Variants in MAN1A1 observed in about 807,000 individuals in gnomAD.
MAN1A1 encodes the protein mannosidase alpha class 1A member 1.
In MAN1A1, 29 loss-of-function variants were observed where a neutral mutation model predicts 70.8. That is an observed-to-expected ratio of 0.41 (90% CI 0.31 to 0.56). The LOEUF is 0.56. Ranked by LOEUF, MAN1A1 falls within the 20% of genes least tolerant of loss-of-function variation. MAN1A1 has a pLI of 0.29. For missense variants in MAN1A1, 747 were observed against 841.3 expected, an observed-to-expected ratio of 0.89 and a Z score of 1.39; for synonymous variants, 349 against 330.1, an observed-to-expected ratio of 1.06 and a Z score of -0.62.
At chr6:119,304,608 A>C (rs946948994) in intron 3 of MAN1A1, among the ~76,000 whole-genome samples, 3 of 152,130 alleles carry the variant, frequency 2.0e-5, no homozygotes, top group Admixed American at 2.0e-4. Context: ...TATTCATTAA[A>C]GTTGTTTAGG....
chr6:119,312,133 G>A (rs555433583), intron 2 of MAN1A1, among the ~76,000 whole-genome samples: 1 of 152,174 alleles, frequency 6.6e-6, no homozygotes, highest in Admixed American at 6.5e-5. Flanking sequence ...GGGACACAAG[G>A]GGCTGTGTCT....
At chr6:119,295,629 T>G (rs1046127565) in intron 4 of MAN1A1, among the ~76,000 whole-genome samples, 2 of 152,178 alleles carry the variant, frequency 1.3e-5, no homozygotes, top group African/African-American at 4.8e-5. Flanking sequence ...AATTCTATTC[T>G]GAGTGTTTGA....
At chr6:119,218,509 C>T (rs750990462) in intron 6 of MAN1A1, among the ~76,000 whole-genome samples, 5 of 151,800 alleles carry the variant, frequency 3.3e-5, no homozygotes, top group African/African-American at 4.8e-5. Context: ...ATTAAACCAC[C>T]GAAGATCCTC....
At chr6:119,197,801 TG>T (rs1267112348) in intron 8 of MAN1A1, among the ~76,000 whole-genome samples, 2 of 150,990 alleles carry the variant, frequency 1.3e-5, no homozygotes, top group African/African-American at 4.8e-5. Flanking sequence ...TTTTGTTTTT[TG>T]TTTTTTTTTT....
intron 4 of MAN1A1, among the ~76,000 whole-genome samples, chr6:119,299,518 A>C (rs184033773): frequency 1.3e-3 from 199 of 152,302 alleles, no homozygotes; most frequent in African/African-American, 4.5e-3. Context: ...TATAACCCAA[A>C]ACTATCATTA....
chr6:119,252,620 C>T lies in MAN1A1; in HGVS notation c.898-4266G>A, dbSNP rs138303932. Among the ~76,000 whole-genome samples the T allele has an allele frequency of 5.9e-3, 901 of 151,976 alleles. 31 individuals carry two copies. In the East Asian group the frequency reaches 0.09, roughly 15 times the overall value. On this transcript the variant is annotated intron_variant, in intron 5 of 12. Coordinates refer to ENST00000368468, the MANE Select transcript of MAN1A1 (RefSeq NM_005907.4). Reference sequence around the variant, plus strand: ...TATCCTGGCCAACATGGTGAAACCCCGTCTCTACTAAAAATACAAAAATTA... The same window carrying T: ...TATCCTGGCCAACATGGTGAAACCCTGTCTCTACTAAAAATACAAAAATTA...
At chr6:119,333,442 A>G (rs1177676477) in intron 2 of MAN1A1, among the ~76,000 whole-genome samples, 1 of 152,214 alleles carries the variant, frequency 6.6e-6, no homozygotes, top group Non-Finnish European at 1.5e-5. Context: ...CGTGTGTAAC[A>G]TATATAATAC....
At chr6:119,197,872 A>G (rs992813506) in intron 8 of MAN1A1, among the ~76,000 whole-genome samples, 16 of 152,038 alleles carry the variant, frequency 1.1e-4, no homozygotes, top group Admixed American at 7.9e-4. Context: ...ACTAGGAAAC[A>G]TGGCCAAATA....
intron 9 of MAN1A1, among the ~76,000 whole-genome samples, chr6:119,190,451 C>T (rs568981668): frequency 3.7e-4 from 56 of 152,290 alleles, no homozygotes; most frequent in African/African-American, 1.3e-3. Flanking sequence ...AATTTGCTTA[C>T]TATATCTCTA....
chr6:119,189,881 A>G lies in MAN1A1; in HGVS notation c.1329T>C (p.Ala443=). The G allele has an allele frequency of 6.2e-7, 1 of 1,611,486 alleles. No homozygotes were observed. Among genetic ancestry groups the G allele is most frequent in the Non-Finnish European group, 8.5e-7 (1 of 1,177,882 alleles). Residue 443 remains alanine (A), a splice_region_variant and synonymous_variant, in exon 10 of 13, where the codon GCT becomes GCC. Transcript: ENST00000368468. The part of the protein sequence containing the change: ...AKKMYFDAVQ[A]IETHLIRKSS... ...ACTTGCGGATCAAATGAGTCTCGATAGCCTGTGAAAAACACTTATTTTTTA... is the reference window on the plus strand; with the variant it reads ...ACTTGCGGATCAAATGAGTCTCGATGGCCTGTGAAAAACACTTATTTTTTA...
chr6:119,252,400 T>G (rs760509075), intron 5 of MAN1A1, among the ~76,000 whole-genome samples: 15 of 152,222 alleles, frequency 9.9e-5, no homozygotes, highest in Non-Finnish European at 1.9e-4. Flanking sequence ...TTTTCTTATT[T>G]GAGTTCAAAA....
At chr6:119,304,043 T>C (rs1294778691) in intron 3 of MAN1A1, among the ~76,000 whole-genome samples, 1 of 152,196 alleles carries the variant, frequency 6.6e-6, no homozygotes, top group Admixed American at 6.6e-5. Context: ...ACTTCCTATA[T>C]GTAATTAGCA....
At position 119,349,000 on chromosome 6, in the gene MAN1A1, G is replaced by A. The variant is rs1773824589; in HGVS notation, c.66C>T (p.Leu22=). Residue 22 remains leucine (L), a synonymous_variant, in exon 2 of 13, where the codon CTC becomes CTT. Coordinates refer to ENST00000368468, the MANE Select transcript of MAN1A1 (RefSeq NM_005907.4). ...SPAGGVLGGG[L]GGGGGRKGSG... is the part of the protein sequence containing the mutation. ...ACCCCTTCCTGCCACCGCCGCCGCCGAGCCCCCCGCCCAGGACGCCGCCCG... is the reference window on the plus strand; with the variant it reads ...ACCCCTTCCTGCCACCGCCGCCGCCAAGCCCCCCGCCCAGGACGCCGCCCG... 1.4e-6 allele frequency: 2 copies of A among 1,421,450 alleles called. No homozygotes were observed. Among genetic ancestry groups the A allele is most frequent in the Non-Finnish European group, 1.8e-6 (2 of 1,083,410 alleles). The allele number at this position is 1,421,450 out of a possible 1,614,324, so 88.1% of individuals were successfully genotyped here. A position where few individuals can be genotyped will look rare whatever the true frequency, so the allele number is the denominator to read the frequency against.
Position 119,188,521 on chromosome 6 carries a change from T to C in MAN1A1, c.1603A>G (p.Thr535Ala), listed in dbSNP as rs1214185302. The change falls in exon 11 of 13, where the codon ACA (threonine) becomes GCA (alanine). Residue 535 changes from threonine to alanine, a missense_variant. Thr to Ala is a moderately conservative substitution (Grantham distance 58, BLOSUM62 0). Coordinates refer to ENST00000368468, the MANE Select transcript of MAN1A1 (RefSeq NM_005907.4). Reference protein sequence around the residue: ...RFDGGVEAIATRQNEKYYILR... With the variant: ...RFDGGVEAIAARQNEKYYILR... The stretch of plus-strand genomic sequence containing the variant: ...ATGTAGTATTTTTCATTTTGTCTTG[T>C]AGCGATGGCTTCAACACCACCATCA... The C allele has an allele frequency of 1.9e-6, 3 of 1,614,054 alleles. No homozygotes were observed. Among genetic ancestry groups the C allele is most frequent in the South Asian group, 1.1e-5 (1 of 91,082 alleles).
In MAN1A1 at chr6:119,348,537, C is replaced by G; in HGVS notation, c.529G>C (p.Val177Leu). The change falls in exon 2 of 13, where the codon GTG becomes CTG. Residue 177 changes from valine (V) to leucine (L), a missense_variant. This residue lies in a region of MAN1A1 where 328 missense variants were observed against 293.1 expected (regional missense o/e 1.12). Coordinates refer to ENST00000368468, the MANE Select transcript of MAN1A1 (RefSeq NM_005907.4). ...PFRGLPPVDF[V>L]PPIGVESREP... ...CGGCTCTCCACCCCGATTGGGGGCA[C>G]GAAGTCCACCGGGGGCAGGCCTCTG... is the stretch of plus-strand genomic sequence containing the variant. 6.8e-6 allele frequency: 11 copies of G among 1,612,976 alleles called. No individual in the cohort carries two copies. The highest frequency in any genetic ancestry group is 9.3e-6 in the Non-Finnish European group (11 of 1,179,568).
intron 4 of MAN1A1, among the ~76,000 whole-genome samples, chr6:119,300,406 C>T (rs946306676): frequency 1.3e-5 from 2 of 151,956 alleles, no homozygotes; most frequent in African/African-American, 4.8e-5. Flanking sequence ...CAGGCACACA[C>T]CACCATGCCT....
chr6:119,185,918 C>T (rs1207543255), intron 11 of MAN1A1, among the ~76,000 whole-genome samples: 1 of 147,608 alleles, frequency 6.8e-6, no homozygotes, highest in Non-Finnish European at 1.5e-5. Context: ...GAAAAAATCA[C>T]ACTGCGAAGA....
At chr6:119,290,077 C>CA (rs1427307844) in intron 5 of MAN1A1, among the ~76,000 whole-genome samples, 1 of 151,896 alleles carries the variant, frequency 6.6e-6, no homozygotes, top group Non-Finnish European at 1.5e-5. Flanking sequence ...GAGGATGATA[C>CA]AAAAATCCTT....
At chr6:119,267,807 C>T (rs963969005) in intron 5 of MAN1A1, among the ~76,000 whole-genome samples, 1 of 152,212 alleles carries the variant, frequency 6.6e-6, no homozygotes, top group Non-Finnish European at 1.5e-5. Flanking sequence ...AAAAGGATGA[C>T]TTTGAAGCCT....
Sources: gnomAD v4.1 joint callset for allele counts (sites outside exome capture counted in the v4.1 genomes callset) on GRCh38, gnomAD v4.1.1 for gene constraint, gnomAD v4.1.1 regional missense constraint, MANE v1.5 for transcripts, NCBI Gene and HGNC (gene_info 2026-07-23, HGNC 2026-07-21) for gene names.